Variants in LRMDA observed in about 807,000 individuals in gnomAD.
LRMDA encodes the protein leucine-rich melanocyte differentiation-associated protein.
LRMDA carries 18 observed loss-of-function variants against 29.8 expected under a neutral mutation model. The observed-to-expected ratio is 0.60, with a 90% CI of 0.42 to 0.90. The LOEUF (loss-of-function observed/expected upper bound fraction) is 0.90. LRMDA is among the 40% of genes least tolerant of loss of function. The pLI, the probability that LRMDA is intolerant of heterozygous loss-of-function variation, is 0.00. For synonymous variants in LRMDA, 125 were observed against 109.4 expected (o/e 1.14, Z -0.89); for missense variants, 273 against 273.9 (o/e 1.00, Z 0.02).
intron 5 of LRMDA, among the ~76,000 whole-genome samples, chr10:76,124,836 T>C (rs541315792): frequency 3.5e-4 from 54 of 152,344 alleles, no homozygotes; most frequent in South Asian, 1.0e-3. Flanking sequence ...CCTTAAATAA[T>C]CTCACCAACC....
intron 2 of LRMDA, among the ~76,000 whole-genome samples, chr10:75,815,458 T>C (rs1203779571): frequency 4.6e-5 from 7 of 152,206 alleles, no homozygotes; most frequent in Admixed American, 4.6e-4. Context: ...TATGCTTTCC[T>C]TTCCTCTTGA....
chr10:75,514,494 C>A (rs1845266847), intron 2 of LRMDA, among the ~76,000 whole-genome samples: 1 of 152,030 alleles, frequency 6.6e-6, no homozygotes, highest in Non-Finnish European at 1.5e-5. Context: ...TATGTCCCCT[C>A]CAAATTGCAT....
At position 76,368,551 on chromosome 10, in the gene LRMDA, A is replaced by G. The variant is rs189260800; in HGVS notation, c.601+44066A>G. On this transcript the variant is annotated intron_variant, in intron 6 of 6. Transcript: ENST00000611255. ...GTCTATCTTGGAGAAAGTTCCATGC[A>G]TTGTTGAATAGAATGCGTATTGTGT... Among the ~76,000 whole-genome samples, 469 of 152,164 alleles carry G rather than the reference A, an allele frequency of 3.1e-3. 3 individuals carry two copies. Among genetic ancestry groups the G allele is most frequent in the African/African-American group, 0.011 (439 of 41,504 alleles).
intron 2 of LRMDA, among the ~76,000 whole-genome samples, chr10:75,589,228 A>C (rs1840691637): frequency 6.6e-6 from 1 of 152,214 alleles, no homozygotes; most frequent in Non-Finnish European, 1.5e-5. Context: ...CAGCAATGTT[A>C]GGGACATGCT....
chr10:76,063,029 T>C (rs929583666), intron 5 of LRMDA, among the ~76,000 whole-genome samples: 11 of 152,238 alleles, frequency 7.2e-5, no homozygotes, highest in Non-Finnish European at 1.5e-4. Flanking sequence ...CCTGACTTTG[T>C]AATTATTCAT....
chr10:75,539,444 T>G (rs1156882758), intron 2 of LRMDA, among the ~76,000 whole-genome samples: 2 of 152,094 alleles, frequency 1.3e-5, no homozygotes, highest in Non-Finnish European at 2.9e-5. Context: ...ACATTTTATT[T>G]CATCTGTTGT....
chr10:76,221,461 A>T (rs1313427355), intron 5 of LRMDA, among the ~76,000 whole-genome samples: 1 of 152,270 alleles, frequency 6.6e-6, no homozygotes, highest in East Asian at 1.9e-4. Context: ...AATCACAAGC[A>T]TTCTTATACA....
chr10:76,215,317 G>A (rs1268892685), intron 5 of LRMDA, among the ~76,000 whole-genome samples: 1 of 152,138 alleles, frequency 6.6e-6, no homozygotes, highest in Non-Finnish European at 1.5e-5. Flanking sequence ...ATGGGAGGAG[G>A]TGTACCTTGC....
intron 5 of LRMDA, among the ~76,000 whole-genome samples, chr10:76,108,161 A>G (rs767233510): frequency 2.0e-5 from 3 of 152,204 alleles, no homozygotes; most frequent in African/African-American, 7.2e-5. Context: ...TCTGATTACT[A>G]GAGCCTGGGA....
intron 2 of LRMDA, among the ~76,000 whole-genome samples, chr10:75,664,488 A>G (rs1841796073): frequency 6.6e-6 from 1 of 152,144 alleles, no homozygotes; most frequent in African/African-American, 2.4e-5. Context: ...GCACACAGTG[A>G]TCCTGAGCCC....
intron 2 of LRMDA, among the ~76,000 whole-genome samples, chr10:75,524,716 G>A (rs985982860): frequency 6.6e-6 from 1 of 152,280 alleles, no homozygotes; most frequent in East Asian, 1.9e-4. Flanking sequence ...AAAGAAAGAT[G>A]AATAAACAGG....
chr10:75,841,038 T>C (rs998528586), intron 2 of LRMDA, among the ~76,000 whole-genome samples: 3 of 152,214 alleles, frequency 2.0e-5, no homozygotes, highest in African/African-American at 7.2e-5. Flanking sequence ...TTTGTGACAG[T>C]GCTCATACAT....
intron 2 of LRMDA, among the ~76,000 whole-genome samples, chr10:75,696,594 A>G (rs1254285491): frequency 6.6e-6 from 1 of 152,232 alleles, no homozygotes; most frequent in Non-Finnish European, 1.5e-5. Flanking sequence ...ACTGAAGAGT[A>G]TAATAATTGA....
At chr10:76,430,384 G>A (rs1842178522) in intron 6 of LRMDA, among the ~76,000 whole-genome samples, 1 of 152,228 alleles carries the variant, frequency 6.6e-6, no homozygotes, top group African/African-American at 2.4e-5. Flanking sequence ...TTTGTTGGCA[G>A]AGGGGCTTCT....
At chr10:76,145,223 T>G (rs1180490630) in intron 5 of LRMDA, among the ~76,000 whole-genome samples, 1 of 152,168 alleles carries the variant, frequency 6.6e-6, no homozygotes, top group Non-Finnish European at 1.5e-5. Flanking sequence ...TTAGGGAGGA[T>G]TCCCTCTTTT....
chr10:76,374,817 G>T (rs1841496095), intron 6 of LRMDA, among the ~76,000 whole-genome samples: 1 of 152,120 alleles, frequency 6.6e-6, no homozygotes, highest in Non-Finnish European at 1.5e-5. Context: ...AGTATATCAA[G>T]AAATTCTTGA....
At chr10:75,880,245 A>G (rs1845271810) in intron 2 of LRMDA, among the ~76,000 whole-genome samples, 1 of 152,328 alleles carries the variant, frequency 6.6e-6, no homozygotes, top group East Asian at 1.9e-4. Context: ...AGAGTGCTTT[A>G]GTTAATTCCA....
intron 4 of LRMDA, among the ~76,000 whole-genome samples, chr10:76,051,410 G>T (rs748327426): frequency 6.6e-6 from 1 of 152,168 alleles, no homozygotes; most frequent in African/African-American, 2.4e-5. Context: ...AAATCAGCTG[G>T]CCTCTGCCAG....
chr10:75,896,746 G>T (rs559209430), intron 2 of LRMDA, among the ~76,000 whole-genome samples: 56 of 151,878 alleles, frequency 3.7e-4, no homozygotes, highest in Non-Finnish European at 7.1e-4. Flanking sequence ...ATATTTATCC[G>T]CCCCACTTCT....
Sources: allele counts gnomAD v4.1 joint callset (sites outside exome capture counted in the v4.1 genomes callset), GRCh38; gene constraint gnomAD v4.1.1; transcripts MANE v1.5; gene names NCBI Gene and HGNC (gene_info 2026-07-23, HGNC 2026-07-21).